Variants in GMPPB observed in about 807,000 individuals in gnomAD.
GMPPB encodes GDP-mannose pyrophosphorylase B, also known as mannose-1-phosphate guanylyltransferase catalytic subunit beta.
Under a neutral mutation model 40.3 loss-of-function variants are expected in GMPPB, and 38 were observed. The ratio of observed to expected loss-of-function variants is 0.94; its 90% CI spans 0.73 to 1.24. GMPPB has a LOEUF of 1.24. Among genes scored for constraint, GMPPB ranks in the 50% most tolerant of loss-of-function variants. GMPPB has a pLI of 0.00. For missense variants in GMPPB, 436 were observed against 487.1 expected, an observed-to-expected ratio of 0.90 and a Z score of 0.99; for synonymous variants, 193 against 191.8, an observed-to-expected ratio of 1.01 and a Z score of -0.05.
Position 49,720,630 on chromosome 3 carries a change from G to T in GMPPB, c.*1122C>A. 1 of 1,601,562 alleles carries T rather than the reference G, an allele frequency of 6.2e-7. No individual in the cohort carries two copies. The highest frequency in any genetic ancestry group is 8.5e-7 in the Non-Finnish European group (1 of 1,171,484). ...GGCACTGCTCTGCCAGCCCCTGACC[G>T]GAAGCGCTTCTCCCTGCAGAGCTGT... is the stretch of plus-strand genomic sequence containing the variant. On this transcript the variant is annotated 3_prime_UTR_variant, in exon 9 of 9. Transcript: ENST00000308388.
rs771149753 is a variant in GMPPB, at chr3:49,720,998, C to T, written c.*754G>A. On this transcript the variant is annotated 3_prime_UTR_variant, in exon 9 of 9. Transcript: ENST00000308388. The stretch of plus-strand genomic sequence containing the variant: ...TAGCCAGGCATCCAACTCCAGCCCA[C>T]CCTTCACTCTCCTCCCTGCAGCCCA... 5.0e-6 allele frequency: 8 copies of T among 1,609,464 alleles called. No individual in the cohort carries two copies. Among genetic ancestry groups the T allele is most frequent in the Middle Eastern group, 1.6e-4 (1 of 6,070 alleles).
intron 5 of GMPPB, 21 bp downstream of exon 5, chr3:49,722,575 C>G: frequency 6.2e-7 from 1 of 1,613,462 alleles, no homozygotes; most frequent in Non-Finnish European, 8.5e-7. Flanking sequence ...CCCAGCCCAC[C>G]AACAGCTGTC....
intron 4 of GMPPB, 84 bp from the exon 5 acceptor site, chr3:49,722,838 T>C: frequency 2.0e-6 from 3 of 1,521,662 alleles, no homozygotes; most frequent in Non-Finnish European, 2.7e-6. Flanking sequence ...CAAGAGACTC[T>C]GCCCCAAGTG....
chr3:49,723,835 C>T lies in GMPPB; in HGVS notation c.-109G>A. On this transcript the variant is annotated 5_prime_UTR_variant, in exon 1 of 9. In the 5' UTR this introduces an upstream ATG that the reference lacks. Coordinates refer to ENST00000308388, the MANE Select transcript of GMPPB (RefSeq NM_021971.4). ...GCCGTGCCCGGCCCCGCGCCCTTCACCAACCCGCCTGACAGACTCTGGCTC... is the reference window on the plus strand; with the variant it reads ...GCCGTGCCCGGCCCCGCGCCCTTCATCAACCCGCCTGACAGACTCTGGCTC... 1 of 1,301,052 alleles carries T rather than the reference C, an allele frequency of 7.7e-7. No homozygotes were observed. Among genetic ancestry groups the T allele is most frequent in the Non-Finnish European group, 1.0e-6 (1 of 978,408 alleles). The allele number at this position is 1,301,052 out of a possible 1,614,324, so 80.6% of individuals were successfully genotyped here.
rs767418968 is a variant in GMPPB, at chr3:49,722,196, G to A, written c.768+35C>T. On this transcript the variant is annotated intron_variant, in intron 7 of 8. Coordinates refer to ENST00000308388, the MANE Select transcript of GMPPB (RefSeq NM_021971.4). ...AGTGGGCCACTTGTCTCCCAAGACT[G>A]AGGGGGTTAATGATGGGCTGGGCAA... is the stretch of plus-strand genomic sequence containing the variant. 9 of 1,608,872 alleles carry A rather than the reference G, an allele frequency of 5.6e-6. No homozygotes were observed. In the East Asian group the frequency reaches 1.8e-4, roughly 32 times the overall value.
intron 2 of GMPPB, 35 bp downstream of exon 2, chr3:49,723,357 G>C: frequency 6.2e-7 from 1 of 1,614,012 alleles, no homozygotes; most frequent in East Asian, 2.2e-5. Context: ...AGTTGGGCGG[G>C]GACCGAGAAT....
Position 49,721,512 on chromosome 3 carries a change from A to AAATT in GMPPB, c.*236_*239dup, listed in dbSNP as rs1441710800. 3.6e-6 allele frequency: 3 copies of AAATT among 839,070 alleles called. No homozygotes were observed. The highest frequency in any genetic ancestry group is 3.8e-5 in the Admixed American group (2 of 52,160). The allele number at this position is 839,070 out of a possible 1,614,324, so 52.0% of individuals were successfully genotyped here. A position where few individuals can be genotyped will look rare whatever the true frequency, so the allele number is the denominator to read the frequency against. On this transcript the variant is annotated 3_prime_UTR_variant, in exon 9 of 9. Coordinates refer to ENST00000308388, the MANE Select transcript of GMPPB (RefSeq NM_021971.4). ...TTCAGTCAGGGCCACAGTGAGCATT[A>AAATT]AATTATTATTCCATACAGCCCTGGC...
Position 49,720,957 on chromosome 3 carries a change from A to C in GMPPB, c.*795T>G. The stretch of plus-strand genomic sequence containing the variant: ...AATATGTGTGCACTCCTACACAGGC[A>C]CAACGGACATCCACATAGCCAGGCA... On this transcript the variant is annotated 3_prime_UTR_variant, in exon 9 of 9. Coordinates refer to ENST00000308388, the MANE Select transcript of GMPPB (RefSeq NM_021971.4). 6.2e-7 allele frequency: 1 copy of C among 1,607,972 alleles called. No homozygotes were observed. The highest frequency in any genetic ancestry group is 8.5e-7 in the Non-Finnish European group (1 of 1,174,728).
Position 49,723,593 on chromosome 3 carries a change from C to T in GMPPB, c.129+5G>A, listed in dbSNP as rs370203820. ...CGCGACTCTGATCCCGACCCAGGGT[C>T]TTACCGCGGCTAGCGCCTCCACTTG... On this transcript the variant is annotated splice_donor_5th_base_variant and intron_variant, in intron 1 of 8. Transcript: ENST00000308388. The T allele has an allele frequency of 1.0e-4, 160 of 1,594,472 alleles. No individual in the cohort carries two copies. Among genetic ancestry groups the T allele is most frequent in the Non-Finnish European group, 1.2e-4 (144 of 1,169,080 alleles).
At chr3:49,722,939 A>G (rs377229538) in intron 4 of GMPPB, 33 bp downstream of exon 4, 17 of 1,608,374 alleles carry the variant, frequency 1.1e-5, no homozygotes, top group Non-Finnish European at 1.4e-5. Context: ...TGGAGGGTGA[A>G]AGTGTCAAGA....
Position 49,722,317 on chromosome 3 carries a change from C to A in GMPPB, c.682G>T (p.Gly228Cys). The stretch of plus-strand genomic sequence containing the variant: ...AGTGACTGCAGGAAGAGGCACATGC[C>A]AGTGAGGAAGTCCTTGGGCTGCCCA... ...DIGQPKDFLT[G>C]MCLFLQSLRQ... Residue 228 changes from glycine to cysteine, a missense_variant, in exon 7 of 9, where the codon GGC (glycine) becomes TGC (cysteine). By Grantham distance (159) the Gly-to-Cys change is radical (BLOSUM62 -3). Transcript: ENST00000308388. 1 of 1,614,012 alleles carries A rather than the reference C, an allele frequency of 6.2e-7. No homozygotes were observed. Among genetic ancestry groups the A allele is most frequent in the Non-Finnish European group, 8.5e-7 (1 of 1,180,010 alleles).
Position 49,723,320 on chromosome 3 carries a change from C to T in GMPPB, c.211-18G>A, listed in dbSNP as rs900910772. ...ATTCCCAGCTGGAAGGAAGAGGCCC[C>T]CCCAGTCAGGTTCTACCAGGATGGG... On this transcript the variant is annotated intron_variant, in intron 2 of 8. Transcript: ENST00000308388. 1 of 1,614,190 alleles carries T rather than the reference C, an allele frequency of 6.2e-7. No individual in the cohort carries two copies. Among genetic ancestry groups the T allele is most frequent in the South Asian group, 1.1e-5 (1 of 91,086 alleles).
Position 49,721,145 on chromosome 3 carries a change from G to C in GMPPB, c.*607C>G, listed in dbSNP as rs2080396589. Reference sequence around the variant, plus strand: ...CAGCTTGGTGGTGGGGAGAGCAGTAGGTACATGCAGGGCAGTCCTCATCCC... The same window carrying C: ...CAGCTTGGTGGTGGGGAGAGCAGTACGTACATGCAGGGCAGTCCTCATCCC... On this transcript the variant is annotated 3_prime_UTR_variant, in exon 9 of 9. Coordinates refer to ENST00000308388, the MANE Select transcript of GMPPB (RefSeq NM_021971.4). The C allele has an allele frequency of 6.2e-7, 1 of 1,614,114 alleles. No homozygotes were observed. Among genetic ancestry groups the C allele is most frequent in the Non-Finnish European group, 8.5e-7 (1 of 1,179,970 alleles).
intron 4 of GMPPB, 87 bp downstream of exon 4, chr3:49,722,885 C>A: frequency 6.6e-7 from 1 of 1,525,842 alleles, no homozygotes; most frequent in South Asian, 1.2e-5. Flanking sequence ...GTATCCATAA[C>A]ATCCGAAGGC....
Position 49,720,662 on chromosome 3 carries a change from G to A in GMPPB, c.*1090C>T. ...CTTCTCCCTGCAGAGCTGTGAGTGG[G>A]CTGGTGGGGCAGGTCAGGGAAATCT... is the stretch of plus-strand genomic sequence containing the variant. On this transcript the variant is annotated 3_prime_UTR_variant, in exon 9 of 9. Transcript: ENST00000308388. The A allele has an allele frequency of 6.3e-6, 10 of 1,596,298 alleles. No individual in the cohort carries two copies. The highest frequency in any genetic ancestry group is 2.2e-5 in the South Asian group (2 of 89,682).
rs2080421874 is a variant in GMPPB, at chr3:49,722,060, T to C, written c.856A>G (p.Ile286Val). ...PGVVVEDGVCIRRCTVLRDAR... is the reference protein window; with the variant it reads ...PGVVVEDGVCVRRCTVLRDAR... ...TCCCGCAGCACCGTGCACCGCCGGATACACACACCATCTTCGACCACCACG... is the reference window on the plus strand; with the variant it reads ...TCCCGCAGCACCGTGCACCGCCGGACACACACACCATCTTCGACCACCACG... Residue 286 changes from isoleucine to valine, a missense_variant, in exon 8 of 9, where the codon ATC becomes GTC. Transcript: ENST00000308388. The C allele has an allele frequency of 1.2e-6, 2 of 1,613,534 alleles. No homozygotes were observed. Among genetic ancestry groups the C allele is most frequent in the Non-Finnish European group, 1.7e-6 (2 of 1,180,034 alleles).
At position 49,720,304 on chromosome 3, in the gene GMPPB, A is replaced by C; in HGVS notation, c.*1448T>G. On this transcript the variant is annotated 3_prime_UTR_variant, in exon 9 of 9. Transcript: ENST00000308388. ...GCACTCCAGCCTGGGCAACAGAGCG[A>C]GACTCGTCTCAAGAAAAAAAAAAAA... The C allele has an allele frequency of 4.7e-5, 19 of 406,264 alleles. No individual in the cohort carries two copies. The highest frequency in any genetic ancestry group is 5.6e-5 in the Non-Finnish European group (13 of 233,270). 25.2% of individuals were successfully genotyped at this position (406,264 alleles called of 1,614,324 possible). A position where few individuals can be genotyped will look rare whatever the true frequency, so the allele number is the denominator to read the frequency against.
chr3:49,723,058 C>T lies in GMPPB; in HGVS notation c.316G>A (p.Val106Ile). 1 of 1,613,738 alleles carries T rather than the reference C, an allele frequency of 6.2e-7. No homozygotes were observed. The change falls in exon 4 of 9, where the codon GTC becomes ATC. Residue 106 changes from valine to isoleucine, a missense_variant. Coordinates refer to ENST00000308388, the MANE Select transcript of GMPPB (RefSeq NM_021971.4). The stretch of plus-strand genomic sequence containing the variant: ...TCGCAGATCACGTCACTGTTGAGGA[C>T]GAAGAAAGGGTCTGCAGTCTCAGAG... Reference protein sequence around the residue: ...LLSETADPFFVLNSDVICDFP... With the variant: ...LLSETADPFFILNSDVICDFP...
chr3:49,723,497 G>A (rs1280285014), intron 1 of GMPPB, 25 bp from the exon 2 acceptor site: 4 of 1,612,852 alleles, frequency 2.5e-6, no homozygotes, highest in East Asian at 2.2e-5. Flanking sequence ...GCCGACGGGC[G>A]GGCTCAGTCA....
Sources: gnomAD v4.1 joint callset for allele counts on GRCh38, gnomAD v4.1.1 for gene constraint, MANE v1.5 for transcripts, NCBI Gene and HGNC (gene_info 2026-07-23, HGNC 2026-07-21) for gene names.